The following INO80 variants were observed in gnomAD, a reference collection of about 807,000 sequenced individuals.
INO80 encodes the protein chromatin-remodeling ATPase INO80.
In INO80, 20 loss-of-function variants were observed where a neutral mutation model predicts 203.4. That is an observed-to-expected ratio of 0.10 (90% CI 0.07 to 0.14). The LOEUF is 0.14. Ranked by LOEUF, INO80 falls within the 10% of genes least tolerant of loss-of-function variation. The probability of loss-of-function intolerance (pLI) is 1.00; values close to 1 mark genes in which losing one functional copy is unlikely to be tolerated. For synonymous variants in INO80, 726 were observed against 685.2 expected, an observed-to-expected ratio of 1.06 and a Z score of -0.93; for missense variants, 1,419 against 1,914.4, an observed-to-expected ratio of 0.74 and a Z score of 4.83.
intron 24 of INO80, among the ~76,000 whole-genome samples, chr15:41,043,662 A>G (rs1019746339): frequency 5.9e-5 from 9 of 152,224 alleles, no homozygotes; most frequent in Non-Finnish European, 1.3e-4. Flanking sequence ...TCTATAGGAT[A>G]CAAGGAAAAT....
chr15:41,018,174 A>G (rs2044238725), intron 26 of INO80: 1 of 152,102 alleles, frequency 6.6e-6, no homozygotes, highest in Non-Finnish European at 1.5e-5. Flanking sequence ...GAGGGTGGGC[A>G]AGCTAAGTTC....
chr15:41,114,441 G>T (rs1471283066), intron 1 of INO80, among the ~76,000 whole-genome samples: 1 of 152,148 alleles, frequency 6.6e-6, no homozygotes, highest in Non-Finnish European at 1.5e-5. Context: ...ATGTGCGGTG[G>T]CTCATGCCTA....
intron 29 of INO80, among the ~76,000 whole-genome samples, chr15:40,994,873 C>T (rs1206330050): frequency 6.6e-6 from 1 of 152,078 alleles, no homozygotes; most frequent in Admixed American, 6.6e-5. Flanking sequence ...AATGAACAAA[C>T]TGTTCCAGGT....
intron 28 of INO80, among the ~76,000 whole-genome samples, chr15:41,002,035 T>C (rs144884959): frequency 3.3e-5 from 5 of 152,272 alleles, no homozygotes; most frequent in South Asian, 2.1e-4. Flanking sequence ...ACATGAGAAA[T>C]AGATTACTTC....
chr15:41,084,507 C>T (rs978041268), intron 7 of INO80, among the ~76,000 whole-genome samples: 7 of 151,826 alleles, frequency 4.6e-5, no homozygotes, highest in Non-Finnish European at 7.4e-5. Flanking sequence ...TGCAGTGAGC[C>T]GAGATGATGA....
At chr15:41,008,543 T>C (rs1006618368) in intron 27 of INO80, among the ~76,000 whole-genome samples, 8 of 152,232 alleles carry the variant, frequency 5.3e-5, no homozygotes, top group Non-Finnish European at 1.0e-4. Flanking sequence ...GTATCGTATA[T>C]GTGAACTCTT....
At chr15:41,060,295 A>C (rs1422823375) in intron 14 of INO80, among the ~76,000 whole-genome samples, 8 of 152,120 alleles carry the variant, frequency 5.3e-5, no homozygotes, top group African/African-American at 1.9e-4. Context: ...TTTTCTTAAG[A>C]GATGTAAGAT....
At chr15:41,049,884 A>C in intron 20 of INO80, 51 bp downstream of exon 20, 1 of 1,522,146 alleles carries the variant, frequency 6.6e-7, no homozygotes, top group Non-Finnish European at 9.0e-7. Flanking sequence ...AGACAATTCT[A>C]TCTCAAAAAA....
At chr15:41,096,426 A>C in intron 1 of INO80, 73 bp from the exon 2 acceptor site, 1 of 1,098,992 alleles carries the variant, frequency 9.1e-7, no homozygotes, top group Non-Finnish European at 1.2e-6. Context: ...GCTTGTTCCC[A>C]ATGTGAAGAG....
At chr15:41,066,550 C>T (rs1484701762) in intron 14 of INO80, among the ~76,000 whole-genome samples, 1 of 151,562 alleles carries the variant, frequency 6.6e-6, no homozygotes, top group Non-Finnish European at 1.5e-5. Flanking sequence ...AAAATCAAGC[C>T]AACTGCAGTG....
intron 15 of INO80, among the ~76,000 whole-genome samples, chr15:41,059,624 A>G (rs1245705250): frequency 6.6e-6 from 1 of 151,530 alleles, no homozygotes; most frequent in Admixed American, 6.6e-5. Context: ...ACTGCACTCC[A>G]GCCTGGGCAA....
intron 15 of INO80, among the ~76,000 whole-genome samples, chr15:41,059,482 G>A (rs770598083): frequency 1.0e-4 from 15 of 149,996 alleles, no homozygotes; most frequent in Middle Eastern, 3.3e-3. Context: ...AAAATTAGCC[G>A]GGCATGGTGT....
At chr15:41,059,438 A>G (rs1241750362) in intron 15 of INO80, among the ~76,000 whole-genome samples, 1 of 151,050 alleles carries the variant, frequency 6.6e-6, no homozygotes, top group African/African-American at 2.4e-5. Context: ...CACCCTGGGC[A>G]ACAGGTTGAA....
intron 28 of INO80, among the ~76,000 whole-genome samples, chr15:41,002,185 AAC>A (rs2043967867): frequency 6.6e-6 from 1 of 152,236 alleles, no homozygotes; most frequent in Admixed American, 6.5e-5. Context: ...GACTCTAAAT[AAC>A]ATTCACTGTT....
chr15:41,000,604 A>G (rs2043945593), intron 28 of INO80, among the ~76,000 whole-genome samples: 1 of 148,540 alleles, frequency 6.7e-6, no homozygotes, highest in African/African-American at 2.5e-5. Context: ...CTGAGGTAGG[A>G]GAGTCACTAG....
At chr15:41,072,492 G>A (rs903854988) in intron 11 of INO80, among the ~76,000 whole-genome samples, 2 of 151,458 alleles carry the variant, frequency 1.3e-5, no homozygotes, top group Non-Finnish European at 2.9e-5. Context: ...AGGCCAAGGC[G>A]GGCGGATCAC....
chr15:41,089,679 G>A (rs1236304523), intron 5 of INO80, among the ~76,000 whole-genome samples: 1 of 151,964 alleles, frequency 6.6e-6, no homozygotes, highest in African/African-American at 2.4e-5. Context: ...GAAGGCGGAG[G>A]TGGCAGTGAG....
intron 24 of INO80, among the ~76,000 whole-genome samples, chr15:41,035,461 G>A (rs1422527176): frequency 6.6e-6 from 1 of 151,776 alleles, no homozygotes; most frequent in Non-Finnish European, 1.5e-5. Flanking sequence ...CAAAGGTGGA[G>A]GTTGTAGTGA....
At position 40,985,386 on chromosome 15, in the gene INO80, G is replaced by T. The variant is rs1185236540; in HGVS notation, c.3873C>A (p.Thr1291=). The change falls in exon 32 of 36, where the codon ACC becomes ACA. Residue 1291 remains threonine (T), a synonymous_variant. Transcript: ENST00000648947. ...RQEEKRQQEE[T]NRVKERKRKR... ...TCCGCTTGCGCTCTTTCACTCGGTT[G>T]GTTTCCTCCTGTTGCCGTTTCTCTT... 3.7e-6 allele frequency: 6 copies of T among 1,614,002 alleles called. No individual in the cohort carries two copies. In the South Asian group the frequency reaches 6.6e-5, roughly 18 times the overall value.
Sources: allele counts gnomAD v4.1 joint callset (sites outside exome capture counted in the v4.1 genomes callset), GRCh38; gene constraint gnomAD v4.1.1; transcripts MANE v1.5; gene names NCBI Gene and HGNC (gene_info 2026-07-23, HGNC 2026-07-21).